Variants in ZC3H18 observed in about 807,000 individuals in gnomAD.
ZC3H18 encodes the protein zinc finger CCCH-type containing 18.
In ZC3H18, 8 loss-of-function variants were observed where a neutral mutation model predicts 106.1. That is an observed-to-expected ratio of 0.08 (90% CI 0.04 to 0.14). The LOEUF (loss-of-function observed/expected upper bound fraction) is 0.14. Among genes scored for constraint, ZC3H18 ranks in the 10% least tolerant of loss-of-function variants. The probability of loss-of-function intolerance (pLI) is 1.00; values close to 1 mark genes in which losing one functional copy is unlikely to be tolerated. For missense variants in ZC3H18, 1,318 were observed against 1,278.4 expected (o/e 1.03, Z -0.47); for synonymous variants, 635 against 522.1 (o/e 1.22, Z -2.95).
At chr16:88,626,349 A>T (rs143236830) in intron 13 of ZC3H18, 9 of 152,298 alleles carry the variant, frequency 5.9e-5, no homozygotes, top group African/African-American at 2.2e-4. Flanking sequence ...ACGACATTGC[A>T]TTCCAGCCTG....
In ZC3H18 at chr16:88,624,658, C is replaced by T. The variant is rs1273629832; in HGVS notation, c.1955C>T (p.Thr652Ile). The T allele has an allele frequency of 5.0e-6, 8 of 1,614,036 alleles. No homozygotes were observed. Among genetic ancestry groups the T allele is most frequent in the South Asian group, 1.1e-5 (1 of 91,084 alleles). ...PPPAPPQATK[T>I]TAPVPEPTKP... ...CCAGCCCCACCACAGGCCACCAAAA[C>T]CACTGCTCCTGTCCCCGAGCCCACC... is the stretch of plus-strand genomic sequence containing the variant. The change falls in exon 12 of 18, where the codon ACC (threonine) becomes ATC (isoleucine). Residue 652 changes from threonine (T) to isoleucine (I), a missense_variant. By Grantham distance (89) the Thr-to-Ile change is moderately conservative. Coordinates refer to ENST00000301011, the MANE Select transcript of ZC3H18 (RefSeq NM_144604.4).
At chr16:88,580,581 G>A (rs766633684) in intron 2 of ZC3H18, among the ~76,000 whole-genome samples, 5 of 152,040 alleles carry the variant, frequency 3.3e-5, no homozygotes, top group Admixed American at 1.3e-4. Flanking sequence ...CAAGCCTGTC[G>A]TCCACTCTTG....
chr16:88,575,835 T>A (rs1339222983), intron 1 of ZC3H18, among the ~76,000 whole-genome samples: 1 of 151,894 alleles, frequency 6.6e-6, no homozygotes, highest in Non-Finnish European at 1.5e-5. Flanking sequence ...TGCGTCAGAC[T>A]CCCAAGTAGC....
intron 9 of ZC3H18, 106 bp downstream of exon 9, chr16:88,622,494 G>C (rs1326084261): frequency 7.6e-7 from 1 of 1,311,072 alleles, no homozygotes; most frequent in African/African-American, 1.5e-5. Context: ...CCCACTGTTT[G>C]CTGTGGCGTC....
At chr16:88,574,948 G>A (rs1914652559) in intron 1 of ZC3H18, among the ~76,000 whole-genome samples, 1 of 150,708 alleles carries the variant, frequency 6.6e-6, no homozygotes. Context: ...TCCTGCCTCA[G>A]CCTCCCGAGT....
intron 3 of ZC3H18, among the ~76,000 whole-genome samples, chr16:88,590,931 G>A (rs1482995708): frequency 1.3e-5 from 2 of 150,036 alleles, no homozygotes; most frequent in South Asian, 2.1e-4. Flanking sequence ...TGATCTCCTT[G>A]GCTGTGCTCC....
rs752274191 is a variant in ZC3H18, at chr16:88,627,709, C to T, written c.2196C>T (p.Tyr732=). Residue 732 remains tyrosine, a synonymous_variant, in exon 14 of 18, where the codon TAC becomes TAT. Coordinates refer to ENST00000301011, the MANE Select transcript of ZC3H18 (RefSeq NM_144604.4). The surrounding 1 kb of genome is among the most constrained non-coding windows in gnomAD (Gnocchi z 4.5). The part of the protein sequence containing the change: ...SAHSVDSEDM[Y]ADLASPVSSA... ...ACAGCGTGGACTCGGAGGACATGTA[C>T]GCAGACCTGGCTAGCCCCGTGTCCT... The T allele has an allele frequency of 6.8e-6, 11 of 1,613,640 alleles. No individual in the cohort carries two copies. Among genetic ancestry groups the T allele is most frequent in the African/African-American group, 2.7e-5 (2 of 74,906 alleles).
At chr16:88,586,814 GGT>G in intron 3 of ZC3H18, 130 bp downstream of exon 3, 1 of 624,740 alleles carries the variant, frequency 1.6e-6, no homozygotes. Context: ...GCTAGGTGGT[GGT>G]GGTGGTGGTG....
At chr16:88,607,137 T>G (rs950776171) in intron 6 of ZC3H18, among the ~76,000 whole-genome samples, 1 of 152,120 alleles carries the variant, frequency 6.6e-6, no homozygotes, top group Admixed American at 6.5e-5. Context: ...TGGACAGTCG[T>G]CCCCTCCCTG....
intron 11 of ZC3H18, 184 bp downstream of exon 11, chr16:88,624,246 C>A: frequency 1.2e-6 from 1 of 803,514 alleles, no homozygotes; most frequent in Non-Finnish European, 1.9e-6. Context: ...CACGGGCCAC[C>A]CTTACACAGC....
chr16:88,583,086 C>G (rs1483104943), intron 2 of ZC3H18, among the ~76,000 whole-genome samples: 1 of 152,214 alleles, frequency 6.6e-6, no homozygotes, highest in Non-Finnish European at 1.5e-5. Flanking sequence ...AGGTTGGGCC[C>G]GGGGCCCGGC....
At position 88,628,711 on chromosome 16, in the gene ZC3H18, T is replaced by G. The variant is rs770384003; in HGVS notation, c.2470-47T>G. On this transcript the variant is annotated intron_variant, in intron 15 of 17. Coordinates refer to ENST00000301011, the MANE Select transcript of ZC3H18 (RefSeq NM_144604.4). ...TGTCCTCTGGGGCGAGGACACGGCT[T>G]CTGGCTCCTGGCCCTGCTGTCCTCA... 29 of 1,606,398 alleles carry G rather than the reference T, an allele frequency of 1.8e-5. No individual in the cohort carries two copies. The African/African-American group carries it at 3.9e-4, about 21-fold the overall frequency.
In ZC3H18 at chr16:88,624,589, C is replaced by G. The variant is rs1215639649; in HGVS notation, c.1899-13C>G. On this transcript the variant is annotated splice_polypyrimidine_tract_variant and intron_variant, in intron 11 of 17. Coordinates refer to ENST00000301011, the MANE Select transcript of ZC3H18 (RefSeq NM_144604.4). Reference sequence around the variant, plus strand: ...CACCAGCCCTGCCCTGCTCGAGCCTCCCTGTCTCACAGAGAGAAGTCAGTG... The same window carrying G: ...CACCAGCCCTGCCCTGCTCGAGCCTGCCTGTCTCACAGAGAGAAGTCAGTG... 2 of 1,613,564 alleles carry G rather than the reference C, an allele frequency of 1.2e-6. No homozygotes were observed. Among genetic ancestry groups the G allele is most frequent in the East Asian group, 4.5e-5 (2 of 44,876 alleles).
chr16:88,577,216 C>G lies in ZC3H18; in HGVS notation c.93C>G (p.Asp31Glu), dbSNP rs537004552. The G allele has an allele frequency of 2.5e-6, 4 of 1,612,802 alleles. No individual in the cohort carries two copies. Among genetic ancestry groups the G allele is most frequent in the African/African-American group, 2.7e-5 (2 of 74,760 alleles). Residue 31 changes from aspartate to glutamate, a missense_variant, in exon 2 of 18, where the codon GAC becomes GAG. Asp to Glu is a conservative substitution (Grantham distance 45). Coordinates refer to ENST00000301011, the MANE Select transcript of ZC3H18 (RefSeq NM_144604.4). ...TCTCGGACGATGACATTCTGAGGGA[C>G]AGCGGGTCCGATCAGGATTTGGACG... Reference protein sequence around the residue: ...QGLSDDDILRDSGSDQDLDGA... With the variant: ...QGLSDDDILRESGSDQDLDGA...
rs763807582 is a variant in ZC3H18, at chr16:88,624,002, C to G, written c.1838C>G (p.Ser613Cys). 1.2e-6 allele frequency: 2 copies of G among 1,613,946 alleles called. No individual in the cohort carries two copies. Among genetic ancestry groups the G allele is most frequent in the African/African-American group, 2.7e-5 (2 of 74,942 alleles). ...SSSPSPSPTP[S>C]PHRPSIRTKG... ...TCCCCGTCCCCGTCCCCAACACCTT[C>G]CCCACATAGACCTTCCATCAGAACC... is the stretch of plus-strand genomic sequence containing the variant. Residue 613 changes from serine (S) to cysteine (C), a missense_variant, in exon 11 of 18, where the codon TCC becomes TGC. Physicochemically the swap from Ser to Cys is moderately radical, Grantham distance 112 (BLOSUM62 -1). Coordinates refer to ENST00000301011, the MANE Select transcript of ZC3H18 (RefSeq NM_144604.4).
At chr16:88,595,258 A>C (rs1819637530) in intron 3 of ZC3H18, among the ~76,000 whole-genome samples, 1 of 152,230 alleles carries the variant, frequency 6.6e-6, no homozygotes, top group Non-Finnish European at 1.5e-5. Flanking sequence ...GTACTTAGAC[A>C]TTTCAGCAGT....
chr16:88,595,740 A>T (rs1904399360), intron 3 of ZC3H18, among the ~76,000 whole-genome samples: 2 of 151,028 alleles, frequency 1.3e-5, no homozygotes, highest in African/African-American at 4.9e-5. Context: ...TGTGAGGCAG[A>T]GGTTGCAATG....
intron 2 of ZC3H18, among the ~76,000 whole-genome samples, chr16:88,579,844 C>T (rs1412968658): frequency 2.6e-5 from 4 of 152,186 alleles, no homozygotes; most frequent in South Asian, 4.1e-4. Context: ...TGCTCCTGGA[C>T]ACCAGCACAG....
intron 3 of ZC3H18, among the ~76,000 whole-genome samples, chr16:88,590,473 C>G (rs1314927804): frequency 6.6e-6 from 1 of 151,644 alleles, no homozygotes; most frequent in Non-Finnish European, 1.5e-5. Flanking sequence ...TCTCGTGGGC[C>G]TGTGTTGGAT....
Sources: allele counts gnomAD v4.1 joint callset (sites outside exome capture counted in the v4.1 genomes callset), GRCh38; gene constraint gnomAD v4.1.1; non-coding constraint Gnocchi (gnomAD v3.1); transcripts MANE v1.5; gene names NCBI Gene and HGNC (gene_info 2026-07-23, HGNC 2026-07-21).